Variants in GALNT3 observed in about 807,000 individuals in gnomAD.
GALNT3 encodes the protein polypeptide N-acetylgalactosaminyltransferase 3.
In GALNT3, 51 loss-of-function variants were observed where a neutral mutation model predicts 69.8. The observed-to-expected ratio is 0.73, with a 90% CI of 0.58 to 0.92. The LOEUF (loss-of-function observed/expected upper bound fraction) is 0.92, where lower values mean the gene tolerates loss of function less well. Ranked by LOEUF, GALNT3 falls within the 40% of genes least tolerant of loss-of-function variation. The pLI is 0.00. For synonymous variants in GALNT3, 265 were observed against 248.5 expected, an observed-to-expected ratio of 1.07 and a Z score of -0.63; for missense variants, 711 against 760.0, an observed-to-expected ratio of 0.94 and a Z score of 0.76.
chr2:165,777,864 A>T (rs1683001413), intron 1 of GALNT3, among the ~76,000 whole-genome samples: 1 of 152,166 alleles, frequency 6.6e-6, no homozygotes. Context: ...AATTGTTATA[A>T]ACTAAGAACA....
chr2:165,759,387 G>A lies in GALNT3; in HGVS notation c.1022C>T (p.Ser341Leu), dbSNP rs753658189. ...TCTTTGCTTCTCATGATCAGGAAGC[G>A]ACTCCCAGCCAAATGAAAGACTCCA... The part of the protein sequence containing the change: ...FDWSLSFGWE[S>L]LPDHEKQRRK... Residue 341 changes from serine (S) to leucine (L), a missense_variant, in exon 5 of 11, where the codon TCG (serine) becomes TTG (leucine). Transcript: ENST00000392701. 18 of 1,613,868 alleles carry A rather than the reference G, an allele frequency of 1.1e-5. No individual in the cohort carries two copies. Among genetic ancestry groups the A allele is most frequent in the East Asian group, 4.5e-5 (2 of 44,880 alleles).
chr2:165,768,912 A>G (rs1688697545), intron 2 of GALNT3, among the ~76,000 whole-genome samples: 2 of 150,702 alleles, frequency 1.3e-5, no homozygotes, highest in South Asian at 4.2e-4. Context: ...CTCCAGCGTC[A>G]GGCTCCCCAG....
intron 1 of GALNT3, among the ~76,000 whole-genome samples, chr2:165,789,220 T>C (rs1334352311): frequency 2.0e-5 from 3 of 152,224 alleles, no homozygotes; most frequent in Non-Finnish European, 4.4e-5. Flanking sequence ...ATCAAGCTGC[T>C]GGCAGATTCA....
intron 4 of GALNT3, 37 bp from the exon 5 acceptor site, chr2:165,759,607 C>T: frequency 4.0e-6 from 6 of 1,499,386 alleles, no homozygotes; most frequent in Non-Finnish European, 5.5e-6. Context: ...TCAATAAAAA[C>T]ATTGAAGTTT....
intron 9 of GALNT3, among the ~76,000 whole-genome samples, chr2:165,750,298 A>G (rs1474566025): frequency 6.6e-6 from 1 of 152,174 alleles, no homozygotes; most frequent in Admixed American, 6.6e-5. Flanking sequence ...CAGGGTGTTC[A>G]CCATGCCTCA....
chr2:165,788,480 T>TGTGC (rs1683274912), intron 1 of GALNT3, among the ~76,000 whole-genome samples: 1 of 148,300 alleles, frequency 6.7e-6, no homozygotes, highest in Non-Finnish European at 1.5e-5. Context: ...TGTGTGTGTG[T>TGTGC]GTGTGTGTGT....
chr2:165,773,117 A>T (rs746088894), intron 1 of GALNT3, among the ~76,000 whole-genome samples: 1 of 152,174 alleles, frequency 6.6e-6, no homozygotes, highest in Non-Finnish European at 1.5e-5. Context: ...ATGGGAGATG[A>T]ATGGTGATAT....
intron 1 of GALNT3, among the ~76,000 whole-genome samples, chr2:165,784,995 C>T (rs909951531): frequency 1.3e-5 from 2 of 152,008 alleles, no homozygotes; most frequent in African/African-American, 4.8e-5. Context: ...GGTGTTTTTC[C>T]CCCTTTCTCC....
intron 2 of GALNT3, 106 bp downstream of exon 2, chr2:165,770,080 T>G: frequency 7.8e-7 from 1 of 1,288,480 alleles, no homozygotes; most frequent in South Asian, 1.2e-5. Flanking sequence ...ATTTGCTGAT[T>G]TTCTGCCTTA....
At position 165,754,969 on chromosome 2, in the gene GALNT3, A is replaced by G. The variant is rs1180016339; in HGVS notation, c.1487T>C (p.Val496Ala). The G allele has an allele frequency of 1.9e-6, 3 of 1,613,420 alleles. No individual in the cohort carries two copies. Among genetic ancestry groups the G allele is most frequent in the Admixed American group, 1.7e-5 (1 of 60,002 alleles). The change falls in exon 8 of 11, where the codon GTG becomes GCG. Residue 496 changes from valine to alanine, a missense_variant. Coordinates refer to ENST00000392701, the MANE Select transcript of GALNT3 (RefSeq NM_004482.4). Reference protein sequence around the residue: ...TWYLNNIYPEVYVPDLNPVIS... With the variant: ...TWYLNNIYPEAYVPDLNPVIS... Reference sequence around the variant, plus strand: ...AACAGGATTAAGGTCTGGCACATACACCTCTGGATAAATGTTGTTCAGATA... The same window carrying G: ...AACAGGATTAAGGTCTGGCACATACGCCTCTGGATAAATGTTGTTCAGATA...
At chr2:165,756,981 G>A (rs949574825) in intron 7 of GALNT3, 66 bp downstream of exon 7, 7 of 1,234,930 alleles carry the variant, frequency 5.7e-6, no homozygotes, top group Middle Eastern at 4.1e-4. Context: ...GAGATGAATC[G>A]ACGCAAAAGG....
intron 2 of GALNT3, among the ~76,000 whole-genome samples, chr2:165,765,292 A>G (rs779369423): frequency 1.3e-5 from 2 of 152,186 alleles, no homozygotes; most frequent in Non-Finnish European, 2.9e-5. Context: ...CATATCAAGG[A>G]TTACAACATG....
intron 4 of GALNT3, 102 bp from the exon 5 acceptor site, chr2:165,759,672 A>C: frequency 1.2e-6 from 1 of 850,002 alleles, no homozygotes; most frequent in Non-Finnish European, 1.9e-6. Flanking sequence ...AACAGAGTCA[A>C]TTTGTGTTTT....
chr2:165,748,206 T>C lies in GALNT3; in HGVS notation c.*575A>G, dbSNP rs956602641. 2 of 196,836 alleles carry C rather than the reference T, an allele frequency of 1.0e-5. No homozygotes were observed. The highest frequency in any genetic ancestry group is 4.6e-5 in the African/African-American group (2 of 43,290). 12.2% of individuals were successfully genotyped at this position (196,836 alleles called of 1,614,324 possible). A position where few individuals can be genotyped will look rare whatever the true frequency, so the allele number is the denominator to read the frequency against. Reference sequence around the variant, plus strand: ...TGCCAAGAAATTTAAGTGTTAAAAATACTCTTCTCCTTATTCAGTTTCATG... The same window carrying C: ...TGCCAAGAAATTTAAGTGTTAAAAACACTCTTCTCCTTATTCAGTTTCATG... On this transcript the variant is annotated 3_prime_UTR_variant, in exon 11 of 11. Transcript: ENST00000392701.
In GALNT3 at chr2:165,764,971, A is replaced by G. The variant is rs764960531; in HGVS notation, c.601T>C (p.Leu201=). 1 of 1,614,090 alleles carries G rather than the reference A, an allele frequency of 6.2e-7. No homozygotes were observed. The highest frequency in any genetic ancestry group is 8.5e-7 in the Non-Finnish European group (1 of 1,180,014). ...IVFHNEAWST[L]LRTVHSVLYS... ...AGCACACTGTGGACAGTTCTAAGCA[A>G]CGTGGACCACGCTTCATTATGAAAA... is the stretch of plus-strand genomic sequence containing the variant. Residue 201 remains leucine, a synonymous_variant, in exon 3 of 11, where the codon TTG becomes CTG. Coordinates refer to ENST00000392701, the MANE Select transcript of GALNT3 (RefSeq NM_004482.4).
chr2:165,754,927 C>G lies in GALNT3; in HGVS notation c.1524+5G>C, dbSNP rs375879489. On this transcript the variant is annotated splice_donor_5th_base_variant and intron_variant, in intron 8 of 10. Transcript: ENST00000392701. ...TAATTAAAAAAGGAACAGGAAAATACTCACGTATCCAGATATAACAGGATT... is the reference window on the plus strand; with the variant it reads ...TAATTAAAAAAGGAACAGGAAAATAGTCACGTATCCAGATATAACAGGATT... The G allele has an allele frequency of 6.2e-7, 1 of 1,613,232 alleles. No individual in the cohort carries two copies.
chr2:165,789,315 A>T (rs1251354487), intron 1 of GALNT3, among the ~76,000 whole-genome samples: 1 of 152,176 alleles, frequency 6.6e-6, no homozygotes, highest in African/African-American at 2.4e-5. Context: ...AAGCTTTCTC[A>T]GTCCTCTTTT....
chr2:165,775,305 T>G (rs541662783), intron 1 of GALNT3, among the ~76,000 whole-genome samples: 19 of 152,288 alleles, frequency 1.2e-4, no homozygotes, highest in African/African-American at 4.1e-4. Context: ...TTCCTATCAT[T>G]GGGTAATATT....
At position 165,754,670 on chromosome 2, in the gene GALNT3, T is replaced by C; in HGVS notation, c.1583A>G (p.Lys528Arg). The C allele has an allele frequency of 6.2e-7, 1 of 1,613,746 alleles. No individual in the cohort carries two copies. Among genetic ancestry groups the C allele is most frequent in the Non-Finnish European group, 8.5e-7 (1 of 1,179,794 alleles). The change falls in exon 9 of 11, where the codon AAA (lysine) becomes AGA (arginine). Residue 528 changes from lysine (K) to arginine (R), a missense_variant. Transcript: ENST00000392701. Reference sequence around the variant, plus strand: ...ATGACATGTATACATAATTAATGGTTTGCCTCCTTGATTGTTTTCTCCAAC... The same window carrying C: ...ATGACATGTATACATAATTAATGGTCTGCCTCCTTGATTGTTTTCTCCAAC... ...LDVGENNQGG[K>R]PLIMYTCHGL...
Sources: gnomAD v4.1 joint callset for allele counts (sites outside exome capture counted in the v4.1 genomes callset) on GRCh38, gnomAD v4.1.1 for gene constraint, MANE v1.5 for transcripts, NCBI Gene and HGNC (gene_info 2026-07-23, HGNC 2026-07-21) for gene names.